The following PUM2 variants were observed in gnomAD, a reference collection of about 807,000 sequenced individuals.
PUM2 encodes pumilio RNA binding family member 2, also known as pumilio homolog 2.
PUM2 carries 57 observed loss-of-function variants against 124.5 expected under a neutral mutation model. The observed-to-expected ratio is 0.46, with a 90% confidence interval of 0.37 to 0.57. The LOEUF (loss-of-function observed/expected upper bound fraction) is 0.57. Among genes scored for constraint, PUM2 ranks in the 20% least tolerant of loss-of-function variants. The pLI is 0.00. For synonymous variants in PUM2, 460 were observed against 446.1 expected, an observed-to-expected ratio of 1.03 and a Z score of -0.39; for missense variants, 1,065 against 1,290.6, an observed-to-expected ratio of 0.83 and a Z score of 2.68.
intron 13 of PUM2, among the ~76,000 whole-genome samples, chr2:20,270,103 T>C (rs1558512160): frequency 6.6e-6 from 1 of 152,088 alleles, no homozygotes; most frequent in Non-Finnish European, 1.5e-5. Context: ...CAAGAACATT[T>C]TAAAAAACCT....
At chr2:20,313,831 G>T in intron 3 of PUM2, among the ~76,000 whole-genome samples, 1 of 78,912 alleles carries the variant, frequency 1.3e-5, no homozygotes, top group Admixed American at 2.0e-4. Context: ...GTGAGATCCT[G>T]TCTCAAAAAA....
chr2:20,312,210 A>C, intron 4 of PUM2, 26 bp downstream of exon 4: 1 of 1,533,764 alleles, frequency 6.5e-7, no homozygotes, highest in Non-Finnish European at 8.9e-7. Context: ...GCAAATATTA[A>C]ATATTTCTTT....
At chr2:20,310,373 GA>G (rs1679339605) in intron 5 of PUM2, among the ~76,000 whole-genome samples, 1 of 151,788 alleles carries the variant, frequency 6.6e-6, no homozygotes, top group Non-Finnish European at 1.5e-5. Context: ...AGGACATTAG[GA>G]AAAAAAGTAA....
chr2:20,338,140 T>C (rs192825588), intron 1 of PUM2, among the ~76,000 whole-genome samples: 1 of 152,326 alleles, frequency 6.6e-6, no homozygotes, highest in East Asian at 1.9e-4. Context: ...CTCACGCCTG[T>C]AATCCCAGCA....
intron 12 of PUM2, among the ~76,000 whole-genome samples, chr2:20,280,639 G>C (rs181353625): frequency 2.5e-4 from 38 of 152,216 alleles, no homozygotes; most frequent in African/African-American, 9.1e-4. Context: ...GAAAAGTCAA[G>C]CCAAACATTT....
intron 3 of PUM2, among the ~76,000 whole-genome samples, chr2:20,314,918 G>C (rs1236702390): frequency 6.7e-6 from 1 of 150,304 alleles, no homozygotes; most frequent in Non-Finnish European, 1.5e-5. Context: ...GATACTATGA[G>C]ATCTGAAAGA....
At position 20,266,333 on chromosome 2, in the gene PUM2, C is replaced by CT. The variant is rs1353011942; in HGVS notation, c.1958-2874dup. Among the ~76,000 whole-genome samples the CT allele has an allele frequency of 2.0e-5, 3 of 151,894 alleles. No homozygotes were observed. In the East Asian group the frequency reaches 5.8e-4, roughly 29 times the overall value. ...TGGTGTGTGCCTGTAGTCCCAGCTA[C>CT]TTGGGGAGGGTGAGGTTGCGAGGAT... On this transcript the variant is annotated intron_variant, in intron 13 of 20. Transcript: ENST00000361078.
intron 1 of PUM2, among the ~76,000 whole-genome samples, chr2:20,344,342 C>T (rs1687800862): frequency 6.6e-6 from 1 of 152,164 alleles, no homozygotes; most frequent in Admixed American, 6.5e-5. Context: ...CGTTAGGCGC[C>T]CAGCCTCATA....
At chr2:20,326,064 A>C (rs1171734020) in intron 2 of PUM2, among the ~76,000 whole-genome samples, 8 of 152,214 alleles carry the variant, frequency 5.3e-5, no homozygotes, top group Non-Finnish European at 2.9e-5. Context: ...AAAGAACAAA[A>C]GCCCTTTTCA....
chr2:20,318,794 A>ATT, intron 2 of PUM2, 149 bp from the exon 3 acceptor site: 1 of 525,954 alleles, frequency 1.9e-6, no homozygotes, highest in Non-Finnish European at 3.2e-6. Flanking sequence ...TGTTTTGTTA[A>ATT]TAGTAAATTA....
In PUM2 at chr2:20,307,607, A is replaced by G. The variant is rs140982639; in HGVS notation, c.883+371T>C. On this transcript the variant is annotated intron_variant, in intron 7 of 20. Coordinates refer to ENST00000361078, the MANE Select transcript of PUM2 (RefSeq NM_015317.5). ...CAAGCTTGAATTCTAGCAGATTAAA[A>G]GTCAAAGACCAAATAACTTCATGGA... Among the ~76,000 whole-genome samples, 15 of 152,330 alleles carry G rather than the reference A, an allele frequency of 9.8e-5. No homozygotes were observed. The East Asian group carries it at 2.7e-3, about 27-fold the overall frequency.
intron 1 of PUM2, among the ~76,000 whole-genome samples, chr2:20,340,955 G>A (rs1024851816): frequency 3.3e-5 from 5 of 152,194 alleles, no homozygotes; most frequent in African/African-American, 1.2e-4. Context: ...AAATTGAAAT[G>A]CAAGTGCTTT....
chr2:20,307,378 T>C (rs141863358), intron 7 of PUM2, among the ~76,000 whole-genome samples: 2 of 151,734 alleles, frequency 1.3e-5, no homozygotes, highest in Non-Finnish European at 2.9e-5. Flanking sequence ...GGCATAAAAA[T>C]GTTTACACAA....
chr2:20,310,936 A>G (rs1246261021), intron 5 of PUM2, among the ~76,000 whole-genome samples: 1 of 152,108 alleles, frequency 6.6e-6, no homozygotes, highest in Non-Finnish European at 1.5e-5. Flanking sequence ...GTAAAAAATT[A>G]TGAGCTTAAA....
intron 1 of PUM2, among the ~76,000 whole-genome samples, chr2:20,342,422 C>A (rs1227574987): frequency 6.6e-6 from 1 of 151,558 alleles, no homozygotes; most frequent in Non-Finnish European, 1.5e-5. Context: ...CCTTCTGTTA[C>A]TGGCTCCAAG....
At chr2:20,252,414 A>G (rs936832200) in intron 20 of PUM2, among the ~76,000 whole-genome samples, 1 of 152,224 alleles carries the variant, frequency 6.6e-6, no homozygotes, top group African/African-American at 2.4e-5. Flanking sequence ...CTTGAAAGAA[A>G]AAGAAAGGAA....
intron 1 of PUM2, among the ~76,000 whole-genome samples, chr2:20,344,195 G>A (rs894320381): frequency 6.6e-6 from 1 of 152,098 alleles, no homozygotes; most frequent in Non-Finnish European, 1.5e-5. Context: ...AGCCTCCCAG[G>A]TAGCTGGGAC....
Position 20,254,857 on chromosome 2 carries a change from C to A in PUM2, c.2870+6G>T, listed in dbSNP as rs201138146. On this transcript the variant is annotated splice_donor_region_variant and intron_variant, in intron 19 of 20. Transcript: ENST00000361078. ...TGACCCTTAAAATTACAAAGTATTA[C>A]AATACCTGGCAAATTTGTGTTGACT... The A allele has an allele frequency of 1.2e-6, 2 of 1,612,054 alleles. No homozygotes were observed. Among genetic ancestry groups the A allele is most frequent in the Non-Finnish European group, 1.7e-6 (2 of 1,179,244 alleles).
chr2:20,350,462 G>A lies in PUM2; in HGVS notation c.-19+135C>T. The A allele has an allele frequency of 4.1e-6, 4 of 983,334 alleles. No homozygotes were observed. In the African/African-American group the frequency reaches 5.2e-5, roughly 13 times the overall value. 60.9% of individuals were successfully genotyped at this position (983,334 alleles called of 1,614,324 possible). A position where few individuals can be genotyped will look rare whatever the true frequency, so the allele number is the denominator to read the frequency against. On this transcript the variant is annotated intron_variant, in intron 1 of 20. Coordinates refer to ENST00000361078, the MANE Select transcript of PUM2 (RefSeq NM_015317.5). ...GTGCGAGCGGGCCCCAGGCCGCACC[G>A]GCCCGGGCACTCAGCAGGCCCTATC...
Sources: gnomAD v4.1 joint callset for allele counts (sites outside exome capture counted in the v4.1 genomes callset) on GRCh38, gnomAD v4.1.1 for gene constraint, MANE v1.5 for transcripts, NCBI Gene and HGNC (gene_info 2026-07-23, HGNC 2026-07-21) for gene names.